Variants in RABGAP1L observed in about 807,000 individuals in gnomAD.
The protein encoded by RABGAP1L is rab GTPase-activating protein 1-like.
Under a neutral mutation model 137.7 loss-of-function variants are expected in RABGAP1L, and 63 were observed. The ratio of observed to expected loss-of-function variants is 0.46; its 90% CI spans 0.37 to 0.56. The LOEUF (loss-of-function observed/expected upper bound fraction) is 0.56. Among genes scored for constraint, RABGAP1L ranks in the 20% least tolerant of loss-of-function variants. The pLI, the probability that RABGAP1L is intolerant of heterozygous loss-of-function variation, is 0.00. For synonymous variants in RABGAP1L, 431 were observed against 433.7 expected, an observed-to-expected ratio of 0.99 and a Z score of 0.08; for missense variants, 1,095 against 1,244.0, an observed-to-expected ratio of 0.88 and a Z score of 1.80.
chr1:174,454,272 A>G (rs1655789130), intron 13 of RABGAP1L, among the ~76,000 whole-genome samples: 1 of 151,834 alleles, frequency 6.6e-6, no homozygotes, highest in Admixed American at 6.6e-5. Context: ...AAAAAAAAAG[A>G]AGAAGAATGC....
At chr1:174,422,195 C>T (rs951782483) in intron 13 of RABGAP1L, among the ~76,000 whole-genome samples, 17 of 152,128 alleles carry the variant, frequency 1.1e-4, no homozygotes, top group East Asian at 5.8e-4. Flanking sequence ...TATCTTGATA[C>T]GCTTAATGGC....
chr1:174,612,024 T>C (rs1361425622), intron 13 of RABGAP1L, among the ~76,000 whole-genome samples: 3 of 152,210 alleles, frequency 2.0e-5, no homozygotes, highest in Admixed American at 2.0e-4. Flanking sequence ...GATTTCCTCT[T>C]TTCCTAATTG....
chr1:174,390,393 A>G (rs965657060), intron 12 of RABGAP1L, among the ~76,000 whole-genome samples: 1 of 152,182 alleles, frequency 6.6e-6, no homozygotes, highest in Non-Finnish European at 1.5e-5. Flanking sequence ...GGGACTGTTG[A>G]CTATTAATCT....
intron 13 of RABGAP1L, among the ~76,000 whole-genome samples, chr1:174,451,412 A>G (rs1332409185): frequency 6.6e-6 from 1 of 152,220 alleles, no homozygotes; most frequent in Non-Finnish European, 1.5e-5. Context: ...ATAGTAATTA[A>G]TAACAATTAT....
At chr1:174,748,904 C>T (rs912606911) in intron 17 of RABGAP1L, among the ~76,000 whole-genome samples, 6 of 151,330 alleles carry the variant, frequency 4.0e-5, no homozygotes, top group East Asian at 3.9e-4. Context: ...AGTCCGGGTG[C>T]GCTGGCTCAC....
At chr1:174,913,502 C>T (rs182693842) in intron 19 of RABGAP1L, among the ~76,000 whole-genome samples, 75 of 152,206 alleles carry the variant, frequency 4.9e-4, no homozygotes, top group Middle Eastern at 3.4e-3. Context: ...GAGATACAAT[C>T]TTTCTGATAA....
chr1:174,840,540 G>A (rs531072161), intron 19 of RABGAP1L, among the ~76,000 whole-genome samples: 131 of 151,638 alleles, frequency 8.6e-4, no homozygotes, highest in African/African-American at 3.0e-3. Flanking sequence ...TGCTGGGCAC[G>A]GTGACTCACG....
chr1:174,875,416 G>A (rs146256873), intron 19 of RABGAP1L: 32 of 489,854 alleles, frequency 6.5e-5, no homozygotes, highest in African/African-American at 6.3e-4. Context: ...AGGCGCTGCT[G>A]AACTGCGGTT....
Position 174,275,919 on chromosome 1 carries a change from C to T in RABGAP1L, c.1140C>T (p.Asn380=), listed in dbSNP as rs749431855. 1.4e-5 allele frequency: 23 copies of T among 1,611,316 alleles called. No individual in the cohort carries two copies. The highest frequency in any genetic ancestry group is 8.9e-5 in the East Asian group (4 of 44,774). ...ATGCACCAGTATTTCTGGCACTTAA[C>T]GAGGAAACCCCAAAAGGTGACTTTT... ...NPNAPVFLAL[N]EETPKDKQVY... Residue 380 remains asparagine (N), a synonymous_variant, in exon 9 of 26, where the codon AAC becomes AAT. Transcript: ENST00000681986.
intron 14 of RABGAP1L, among the ~76,000 whole-genome samples, chr1:174,639,944 T>G (rs894696719): frequency 6.6e-6 from 1 of 152,208 alleles, no homozygotes; most frequent in Non-Finnish European, 1.5e-5. Context: ...ATTTTAAAAC[T>G]CTTTCTGAAT....
At chr1:174,630,084 T>A (rs1274284739) in intron 13 of RABGAP1L, among the ~76,000 whole-genome samples, 22 of 151,162 alleles carry the variant, frequency 1.5e-4, no homozygotes, top group Admixed American at 1.3e-3. Flanking sequence ...ACCTAATTTA[T>A]TGAGAGTTTT....
intron 19 of RABGAP1L, among the ~76,000 whole-genome samples, chr1:174,878,667 G>A (rs1176809391): frequency 6.6e-6 from 1 of 151,540 alleles, no homozygotes; most frequent in Non-Finnish European, 1.5e-5. Context: ...TTAAGGCACA[G>A]GAACCTTAAA....
At chr1:174,301,510 G>A (rs1476807523) in intron 10 of RABGAP1L, among the ~76,000 whole-genome samples, 1 of 151,722 alleles carries the variant, frequency 6.6e-6, no homozygotes, top group Non-Finnish European at 1.5e-5. Flanking sequence ...GGGCCACAAT[G>A]TTACAGCCTT....
chr1:174,802,361 C>G (rs886990919), intron 18 of RABGAP1L, among the ~76,000 whole-genome samples: 1 of 152,180 alleles, frequency 6.6e-6, no homozygotes, highest in Non-Finnish European at 1.5e-5. Flanking sequence ...ATACCCAGCA[C>G]TTTGGGAGGC....
At chr1:174,557,242 A>C (rs1008154855) in intron 13 of RABGAP1L, among the ~76,000 whole-genome samples, 1 of 152,214 alleles carries the variant, frequency 6.6e-6, no homozygotes, top group Non-Finnish European at 1.5e-5. Context: ...GGCAGGTCTA[A>C]TATCTTCAAT....
intron 10 of RABGAP1L, among the ~76,000 whole-genome samples, chr1:174,290,230 G>A (rs1676466904): frequency 6.6e-6 from 1 of 152,214 alleles, no homozygotes; most frequent in Admixed American, 6.5e-5. Context: ...AGGGATGTGT[G>A]GTGCCATTGC....
intron 17 of RABGAP1L, among the ~76,000 whole-genome samples, chr1:174,710,932 C>T (rs753055931): frequency 9.9e-5 from 15 of 152,190 alleles, no homozygotes; most frequent in African/African-American, 4.8e-5. Context: ...CGGTGCTCAT[C>T]GGGGAGGCTC....
chr1:174,345,683 C>G (rs1012982927), intron 11 of RABGAP1L, among the ~76,000 whole-genome samples: 1 of 152,168 alleles, frequency 6.6e-6, no homozygotes, highest in Non-Finnish European at 1.5e-5. Context: ...ATCGTATCAT[C>G]TCCAAAGAAA....
intron 10 of RABGAP1L, among the ~76,000 whole-genome samples, chr1:174,290,130 A>C (rs1052695872): frequency 1.3e-5 from 2 of 152,096 alleles, no homozygotes; most frequent in Non-Finnish European, 2.9e-5. Context: ...AGTACTGCCA[A>C]CCATACTCCC....
Sources: gnomAD v4.1 joint callset for allele counts (sites outside exome capture counted in the v4.1 genomes callset) on GRCh38, gnomAD v4.1.1 for gene constraint, MANE v1.5 for transcripts, NCBI Gene and HGNC (gene_info 2026-07-23, HGNC 2026-07-21) for gene names.